GABRA5: variants seen among roughly 807,000 people sequenced by gnomAD.
The protein encoded by GABRA5 is gamma-aminobutyric acid receptor subunit alpha-5.
Under a neutral mutation model 47.3 loss-of-function variants are expected in GABRA5, and 18 were observed. That is an observed-to-expected ratio of 0.38 (90% CI 0.26 to 0.56). The LOEUF is 0.56. Ranked by LOEUF, GABRA5 falls within the 20% of genes least tolerant of loss-of-function variation. The pLI is 0.71. For synonymous variants in GABRA5, 237 were observed against 229.3 expected, an observed-to-expected ratio of 1.03 and a Z score of -0.30; for missense variants, 365 against 599.3, an observed-to-expected ratio of 0.61 and a Z score of 4.08.
Position 26,883,605 on chromosome 15 carries a change from G to A in GABRA5, c.497+48G>A, listed in dbSNP as rs961024879. On this transcript the variant is annotated intron_variant, in intron 6 of 10. Coordinates refer to ENST00000335625, the MANE Select transcript of GABRA5 (RefSeq NM_000810.4). The surrounding 1 kb of genome is among the most constrained non-coding windows in gnomAD (Gnocchi z 4.8). ...CGGGGCCGGGGGACGGTGCGGGGCA[G>A]GCGCGGCTGCCCATCCTGCCGCAAG... The A allele has an allele frequency of 2.8e-6, 4 of 1,407,838 alleles. No homozygotes were observed. Among genetic ancestry groups the A allele is most frequent in the Non-Finnish European group, 3.8e-6 (4 of 1,050,710 alleles). 87.2% of individuals were successfully genotyped at this position (1,407,838 alleles called of 1,614,324 possible).
rs1448196469 is a variant in GABRA5 at position 26,883,657 on chromosome 15, A to G, written c.497+100A>G. ...GCTGCGCCGCGGAGCTGTTCTGACCATAGGTCTGAGACTGCGGCGCGTGTG... is the reference window on the plus strand; with the variant it reads ...GCTGCGCCGCGGAGCTGTTCTGACCGTAGGTCTGAGACTGCGGCGCGTGTG... On this transcript the variant is annotated intron_variant, in intron 6 of 10. Transcript: ENST00000335625. This position sits in a 1 kb window ranked among gnomAD's most constrained non-coding sequence, Gnocchi z 4.8. 5 of 974,208 alleles carry G rather than the reference A, an allele frequency of 5.1e-6. No homozygotes were observed. The highest frequency in any genetic ancestry group is 3.3e-5 in the African/African-American group (2 of 60,070). The allele number at this position is 974,208 out of a possible 1,614,324, so 60.3% of individuals were successfully genotyped here.
chr15:26,896,950 CTTACAGA>C (rs1346963506), intron 6 of GABRA5, among the ~76,000 whole-genome samples: 17 of 15,438 alleles, frequency 1.1e-3, no homozygotes, highest in South Asian at 5.8e-3. Context: ...ATCTCTACAT[CTTACAGA>C]TGTAGAGAAA....
chr15:26,947,797 C>A, intron 10 of GABRA5, 137 bp from the exon 11 acceptor site: 2 of 705,734 alleles, frequency 2.8e-6, no homozygotes, highest in Non-Finnish European at 4.8e-6. Flanking sequence ...GGCTACCTGG[C>A]GACATCAGTG....
chr15:26,890,698 G>A (rs1477757770), intron 6 of GABRA5, among the ~76,000 whole-genome samples: 1 of 152,202 alleles, frequency 6.6e-6, no homozygotes, highest in Admixed American at 6.5e-5. Context: ...TCCCCACAGA[G>A]CGTCTTTTGG....
At chr15:26,931,466 G>T (rs1019080589) in intron 7 of GABRA5, among the ~76,000 whole-genome samples, 1 of 151,996 alleles carries the variant, frequency 6.6e-6, no homozygotes, top group Admixed American at 6.6e-5. Context: ...ATCACCTCCC[G>T]AAGGCTCTTA....
At chr15:26,889,964 C>A (rs1892966028) in intron 6 of GABRA5, among the ~76,000 whole-genome samples, 1 of 152,180 alleles carries the variant, frequency 6.6e-6, no homozygotes, top group African/African-American at 2.4e-5. Context: ...TCACTGAAAA[C>A]TTTTGTGAAT....
intron 2 of GABRA5, 128 bp downstream of exon 2, chr15:26,868,921 G>T: frequency 4.1e-6 from 1 of 244,954 alleles, no homozygotes; most frequent in African/African-American, 2.1e-5. Flanking sequence ...CAGAGTATTT[G>T]AGTGGAAAAC....
At chr15:26,931,977 A>T (rs1280433799) in intron 7 of GABRA5, among the ~76,000 whole-genome samples, 22 of 152,240 alleles carry the variant, frequency 1.4e-4, no homozygotes, top group Non-Finnish European at 1.9e-4. Flanking sequence ...ATCAAGATGG[A>T]TTAAAGATTT....
At chr15:26,934,248 T>TAAAAAAAAAAAAAAAAAA (rs776194243) in intron 7 of GABRA5, among the ~76,000 whole-genome samples, 3 of 112,926 alleles carry the variant, frequency 2.7e-5, no homozygotes, top group Non-Finnish European at 3.6e-5. Context: ...AGAGAATGTT[T>TAAAAAAAAAAAAAAAAAA]AAAAAAAAAA....
rs534083173 is a variant in GABRA5, at chr15:26,924,351, G to A, written c.580+9466G>A. 3.4e-4 allele frequency among the ~76,000 whole-genome samples: 51 copies of A among 152,058 alleles called. 1 individual carries two copies. Among genetic ancestry groups the A allele is most frequent in the African/African-American group, 1.2e-3 (50 of 41,478 alleles). ...GCCTCTACTGATAGTTCCCTAGATG[G>A]GAGGAGCTGAGGTGATTTGTCACTT... is the stretch of plus-strand genomic sequence containing the variant. On this transcript the variant is annotated intron_variant, in intron 7 of 10. Coordinates refer to ENST00000335625, the MANE Select transcript of GABRA5 (RefSeq NM_000810.4).
chr15:26,908,289 G>A (rs1893493794), intron 6 of GABRA5, among the ~76,000 whole-genome samples: 1 of 152,074 alleles, frequency 6.6e-6, no homozygotes, highest in African/African-American at 2.4e-5. Flanking sequence ...TGCTCCGTGT[G>A]CATGATGTGA....
chr15:26,890,426 A>ATTTTTTTTT (rs201726196), intron 6 of GABRA5, among the ~76,000 whole-genome samples: 5,604 of 127,212 alleles, frequency 0.044, 197 homozygotes, highest in African/African-American at 0.1. Context: ...AGTCACTTCA[A>ATTTTTTTTT]TTTTTTTTTT....
chr15:26,876,021 C>A (rs575593823), intron 3 of GABRA5, among the ~76,000 whole-genome samples: 108 of 152,122 alleles, frequency 7.1e-4, no homozygotes, highest in Non-Finnish European at 1.3e-3. Context: ...TTTTGGCCAG[C>A]AGCATTAGCT....
At chr15:26,914,968 C>A in intron 7 of GABRA5, 83 bp downstream of exon 7, 1 of 1,065,320 alleles carries the variant, frequency 9.4e-7, no homozygotes, top group Non-Finnish European at 1.4e-6. Context: ...TTAGGTTCTG[C>A]ATATACATAA....
At chr15:26,893,092 G>A (rs1196398534) in intron 6 of GABRA5, among the ~76,000 whole-genome samples, 1 of 150,106 alleles carries the variant, frequency 6.7e-6, no homozygotes, top group African/African-American at 2.5e-5. Context: ...GGGGGTGTAT[G>A]GTGTGTGGCA....
In GABRA5 at chr15:26,877,562, G is replaced by A. The variant is rs1242825815; in HGVS notation, c.87-3284G>A. 8 of 402,270 alleles carry A rather than the reference G, an allele frequency of 2.0e-5. No homozygotes were observed. The East Asian group carries it at 6.4e-4, about 32-fold the overall frequency. 24.9% of individuals were successfully genotyped at this position (402,270 alleles called of 1,614,324 possible). A position where few individuals can be genotyped will look rare whatever the true frequency, so the allele number is the denominator to read the frequency against. ...TGCAGTTGCCATTATCGAACTCACTGTATGTAAGTCAGAAGTGGTCATCCA... is the reference window on the plus strand; with the variant it reads ...TGCAGTTGCCATTATCGAACTCACTATATGTAAGTCAGAAGTGGTCATCCA... On this transcript the variant is annotated intron_variant, in intron 3 of 10. Transcript: ENST00000335625.
intron 7 of GABRA5, among the ~76,000 whole-genome samples, chr15:26,920,187 T>C (rs762615921): frequency 1.3e-5 from 2 of 152,046 alleles, no homozygotes; most frequent in African/African-American, 2.4e-5. Context: ...GCTTTTGTTG[T>C]TGTTGTTGTT....
intron 3 of GABRA5, among the ~76,000 whole-genome samples, chr15:26,877,893 G>A (rs1223929556): frequency 1.3e-5 from 2 of 152,166 alleles, no homozygotes; most frequent in African/African-American, 4.8e-5. Flanking sequence ...TAGTAATAGG[G>A]ATATAATCTC....
chr15:26,927,873 G>A (rs148862084), intron 7 of GABRA5, among the ~76,000 whole-genome samples: 3,960 of 152,240 alleles, frequency 0.026, 140 homozygotes, highest in African/African-American at 0.081. Flanking sequence ...ATGCAGAACT[G>A]AATTAACAGA....
Sources: allele counts gnomAD v4.1 joint callset (sites outside exome capture counted in the v4.1 genomes callset), GRCh38; gene constraint gnomAD v4.1.1; non-coding constraint Gnocchi (gnomAD v3.1); transcripts MANE v1.5; gene names NCBI Gene and HGNC (gene_info 2026-07-23, HGNC 2026-07-21).